The following SLC7A11 variants were observed in gnomAD, a reference collection of about 807,000 sequenced individuals.
SLC7A11 encodes cystine/glutamate transporter.
A neutral mutation model predicts 54.5 loss-of-function variants in SLC7A11; 35 were observed. That is an observed-to-expected ratio of 0.64 (90% CI 0.49 to 0.85). The LOEUF is 0.85. Among genes scored for constraint, SLC7A11 ranks in the 40% least tolerant of loss-of-function variants. SLC7A11 has a pLI of 0.00. For missense variants in SLC7A11, 583 were observed against 618.1 expected (o/e 0.94, Z 0.60); for synonymous variants, 230 against 225.2 (o/e 1.02, Z -0.19).
intron 6 of SLC7A11, among the ~76,000 whole-genome samples, chr4:138,186,959 C>T (rs1355815362): frequency 6.6e-6 from 1 of 152,016 alleles, no homozygotes; most frequent in African/African-American, 2.4e-5. Context: ...ACTCTCTGTT[C>T]CTTGCAAGCA....
chr4:138,203,879 T>C lies in SLC7A11; in HGVS notation c.791+10706A>G, dbSNP rs745456879. Reference sequence around the variant, plus strand: ...TACTGGATAAGATGCAAAATTCTTATAGTAGAGTCTAAGAGTTGCTGTATC... The same window carrying C: ...TACTGGATAAGATGCAAAATTCTTACAGTAGAGTCTAAGAGTTGCTGTATC... On this transcript the variant is annotated intron_variant, in intron 6 of 11. Transcript: ENST00000280612. 3.8e-4 allele frequency among the ~76,000 whole-genome samples: 58 copies of C among 152,060 alleles called. 1 individual carries two copies. The highest frequency in any genetic ancestry group is 7.4e-4 in the Non-Finnish European group (50 of 67,982).
chr4:138,240,849 A>G (rs1738359259), intron 1 of SLC7A11, among the ~76,000 whole-genome samples: 1 of 152,236 alleles, frequency 6.6e-6, no homozygotes, highest in Admixed American at 6.5e-5. Context: ...ACCAGTTTTT[A>G]TCATCTTTAC....
intron 5 of SLC7A11, among the ~76,000 whole-genome samples, chr4:138,215,162 C>A (rs1159995676): frequency 1.3e-5 from 2 of 152,102 alleles, no homozygotes; most frequent in Non-Finnish European, 2.9e-5. Flanking sequence ...AGAGGGATTA[C>A]TATAGAAAGA....
rs538808975 is a variant in SLC7A11, at chr4:138,181,288, C to T, written c.1117-498G>A. ...ACACTCATAGGTGATTCTGTTGGCT[C>T]TTGATTGCAAAACATTGACCTTTTT... On this transcript the variant is annotated intron_variant, in intron 9 of 11. Transcript: ENST00000280612. 7.2e-5 allele frequency among the ~76,000 whole-genome samples: 11 copies of T among 152,180 alleles called. No individual in the cohort carries two copies. In the East Asian group the frequency reaches 1.2e-3, roughly 16 times the overall value.
chr4:138,217,898 T>G (rs527504690), intron 5 of SLC7A11, among the ~76,000 whole-genome samples: 2 of 152,340 alleles, frequency 1.3e-5, no homozygotes, highest in East Asian at 3.9e-4. Context: ...AGCACCACAT[T>G]GTGCTTCAGA....
chr4:138,185,655 C>T (rs1736859346), intron 6 of SLC7A11, among the ~76,000 whole-genome samples: 1 of 152,134 alleles, frequency 6.6e-6, no homozygotes, highest in African/African-American at 2.4e-5. Flanking sequence ...GATTCTGAGG[C>T]TGCTGATCAG....
chr4:138,194,177 T>C (rs573058034), intron 6 of SLC7A11, among the ~76,000 whole-genome samples: 1 of 152,180 alleles, frequency 6.6e-6, no homozygotes, highest in African/African-American at 2.4e-5. Flanking sequence ...TATGTCACTG[T>C]CAAGAAAGTG....
intron 1 of SLC7A11, among the ~76,000 whole-genome samples, chr4:138,236,782 G>A (rs1037069406): frequency 6.6e-6 from 1 of 152,120 alleles, no homozygotes; most frequent in African/African-American, 2.4e-5. Flanking sequence ...GGAGAGAGAT[G>A]TCAATAATAT....
At chr4:138,199,290 T>A (rs4580699) in intron 6 of SLC7A11, among the ~76,000 whole-genome samples, 62,077 of 145,980 alleles carry the variant, frequency 0.43, 13,606 homozygotes, top group Middle Eastern at 0.61. Flanking sequence ...TTTCATCATA[T>A]TTTTTTGGCA....
At chr4:138,236,549 G>GT (rs1673903393) in intron 1 of SLC7A11, 98 bp from the exon 2 acceptor site, 1 of 1,162,826 alleles carries the variant, frequency 8.6e-7, no homozygotes, top group African/African-American at 1.6e-5. Flanking sequence ...TGCCTGAGAT[G>GT]TAACTGCCTC....
chr4:138,199,455 C>A (rs1260379407), intron 6 of SLC7A11, among the ~76,000 whole-genome samples: 1 of 152,056 alleles, frequency 6.6e-6, no homozygotes, highest in Non-Finnish European at 1.5e-5. Flanking sequence ...CTAAATGGAT[C>A]ATCGACCACA....
At chr4:138,200,016 A>G (rs1306194676) in intron 6 of SLC7A11, among the ~76,000 whole-genome samples, 1 of 152,174 alleles carries the variant, frequency 6.6e-6, no homozygotes, top group African/African-American at 2.4e-5. Context: ...GCTAGCGAAT[A>G]GTACCTTAAA....
chr4:138,187,593 CT>C (rs1736908991), intron 6 of SLC7A11, among the ~76,000 whole-genome samples: 1 of 152,218 alleles, frequency 6.6e-6, no homozygotes, highest in South Asian at 2.1e-4. Flanking sequence ...AACTCTATTA[CT>C]TTTAAGGAAA....
At position 138,172,025 on chromosome 4, in the gene SLC7A11, G is replaced by T; in HGVS notation, c.1445-8C>A. ...ATGTTCTGGTTATTTTCTCTACAAA[G>T]AAATAAAAATGAATTAAAAATGCAT... is the stretch of plus-strand genomic sequence containing the variant. On this transcript the variant is annotated splice_region_variant and splice_polypyrimidine_tract_variant and intron_variant, in intron 11 of 11. Coordinates refer to ENST00000280612, the MANE Select transcript of SLC7A11 (RefSeq NM_014331.4). The T allele has an allele frequency of 6.4e-7, 1 of 1,571,732 alleles. No individual in the cohort carries two copies. Among genetic ancestry groups the T allele is most frequent in the South Asian group, 1.2e-5 (1 of 83,306 alleles).
At position 138,170,382 on chromosome 4, in the gene SLC7A11, T is replaced by G. The variant is rs1736397005; in HGVS notation, c.*1574A>C. 6.7e-6 allele frequency: 1 copy of G among 149,792 alleles called. No homozygotes were observed. The highest frequency in any genetic ancestry group is 2.2e-4 in the South Asian group (1 of 4,640). 9.3% of individuals were successfully genotyped at this position (149,792 alleles called of 1,614,324 possible). Reference sequence around the variant, plus strand: ...CCCAGGCTGGAGTACAGTGGTGCAATCTTGGCTCACTGCAACCTCCGCCTC... The same window carrying G: ...CCCAGGCTGGAGTACAGTGGTGCAAGCTTGGCTCACTGCAACCTCCGCCTC... On this transcript the variant is annotated 3_prime_UTR_variant, in exon 12 of 12. Coordinates refer to ENST00000280612, the MANE Select transcript of SLC7A11 (RefSeq NM_014331.4).
In SLC7A11 at chr4:138,169,288, C is replaced by T. The variant is rs924364288; in HGVS notation, c.*2668G>A. ...AGTTTTTGAGAATCTGCTTTACATA[C>T]TGCAATTTTGAGTGAAAATTATGGA... is the stretch of plus-strand genomic sequence containing the variant. On this transcript the variant is annotated 3_prime_UTR_variant, in exon 12 of 12. Transcript: ENST00000280612. The T allele has an allele frequency of 6.6e-6, 1 of 151,962 alleles. No homozygotes were observed. The highest frequency in any genetic ancestry group is 6.6e-5 in the Admixed American group (1 of 15,266). 9.4% of individuals were successfully genotyped at this position (151,962 alleles called of 1,614,324 possible).
At chr4:138,180,932 G>T in intron 9 of SLC7A11, 142 bp from the exon 10 acceptor site, 2 of 775,886 alleles carry the variant, frequency 2.6e-6, no homozygotes, top group Non-Finnish European at 4.0e-6. Flanking sequence ...ACTTGGATTT[G>T]ACTAATCTCT....
rs1736237831 is a variant in SLC7A11 at position 138,165,689 on chromosome 4, A to G, written c.*6267T>C. ...TTAAAGCAAAATATATCCTGATACT[A>G]CTATAGATTCTAGGAATTGTCCTAA... On this transcript the variant is annotated 3_prime_UTR_variant, in exon 12 of 12. Coordinates refer to ENST00000280612, the MANE Select transcript of SLC7A11 (RefSeq NM_014331.4). The G allele has an allele frequency of 6.6e-6, 1 of 152,168 alleles. No individual in the cohort carries two copies. The highest frequency in any genetic ancestry group is 1.5e-5 in the Non-Finnish European group (1 of 68,020). The allele number at this position is 152,168 out of a possible 1,614,324, so 9.4% of individuals were successfully genotyped here. A position where few individuals can be genotyped will look rare whatever the true frequency, so the allele number is the denominator to read the frequency against.
intron 10 of SLC7A11, among the ~76,000 whole-genome samples, chr4:138,180,320 G>A (rs1356436827): frequency 6.6e-6 from 1 of 152,052 alleles, no homozygotes; most frequent in Non-Finnish European, 1.5e-5. Context: ...CATAAAGACA[G>A]ACAGAAGTAG....
Sources: allele counts gnomAD v4.1 joint callset (sites outside exome capture counted in the v4.1 genomes callset), GRCh38; gene constraint gnomAD v4.1.1; transcripts MANE v1.5; gene names NCBI Gene and HGNC (gene_info 2026-07-23, HGNC 2026-07-21).